Variants in FBXL4 observed in about 807,000 individuals in gnomAD.
FBXL4 encodes F-box and leucine rich repeat protein 4.
Under a neutral mutation model 58.9 loss-of-function variants are expected in FBXL4, and 40 were observed. The ratio of observed to expected loss-of-function variants is 0.68; its 90% CI spans 0.53 to 0.88. The LOEUF (loss-of-function observed/expected upper bound fraction) is 0.88. Ranked by LOEUF, FBXL4 falls within the 40% of genes least tolerant of loss-of-function variation. FBXL4 has a pLI of 0.00. For synonymous variants in FBXL4, 263 were observed against 265.5 expected (o/e 0.99, Z 0.09); for missense variants, 676 against 734.4 (o/e 0.92, Z 0.92).
At chr6:98,936,464 C>A (rs1421257241) in intron 1 of FBXL4, among the ~76,000 whole-genome samples, 1 of 152,198 alleles carries the variant, frequency 6.6e-6, no homozygotes, top group Non-Finnish European at 1.5e-5. Context: ...CTTATATGTG[C>A]CTTTTCTTCT....
At chr6:98,917,229 T>C in intron 5 of FBXL4, 145 bp downstream of exon 5, 1 of 522,268 alleles carries the variant, frequency 1.9e-6, no homozygotes, top group Non-Finnish European at 3.1e-6. Flanking sequence ...TTTTGTCTAG[T>C]TTTTCCAAAA....
intron 2 of FBXL4, among the ~76,000 whole-genome samples, chr6:98,933,795 G>A (rs1012358232): frequency 6.6e-6 from 1 of 152,062 alleles, no homozygotes; most frequent in Admixed American, 6.5e-5. Context: ...GATGGCATAA[G>A]AGAATTAAAA....
chr6:98,879,942 CAAAAAAA>C (rs57952065), intron 8 of FBXL4, among the ~76,000 whole-genome samples: 1 of 62,544 alleles, frequency 1.6e-5, no homozygotes, highest in Non-Finnish European at 3.0e-5. Flanking sequence ...GACTCCATCT[CAAAAAAA>C]AAAAAAAAAA....
chr6:98,927,686 A>T lies in FBXL4; in HGVS notation c.-73+19T>A, dbSNP rs1203874396. The T allele has an allele frequency of 6.6e-6, 1 of 152,122 alleles. No homozygotes were observed. Among genetic ancestry groups the T allele is most frequent in the Non-Finnish European group, 1.5e-5 (1 of 68,048 alleles). The allele number at this position is 152,122 out of a possible 1,614,324, so 9.4% of individuals were successfully genotyped here. A position where few individuals can be genotyped will look rare whatever the true frequency, so the allele number is the denominator to read the frequency against. On this transcript the variant is annotated intron_variant, in intron 3 of 9. Transcript: ENST00000369244. ...GCTGGCATCTGGTTTGTTGCCAGCT[A>T]CTCTTAGAAATCACTCACCCCAGAT...
intron 5 of FBXL4, among the ~76,000 whole-genome samples, chr6:98,907,686 T>A (rs946578020): frequency 6.6e-6 from 1 of 152,202 alleles, no homozygotes; most frequent in Non-Finnish European, 1.5e-5. Flanking sequence ...GGGTTTTTTT[T>A]AATTTAATGT....
intron 7 of FBXL4, among the ~76,000 whole-genome samples, chr6:98,889,406 G>A (rs1240825736): frequency 6.6e-6 from 1 of 151,982 alleles, no homozygotes; most frequent in African/African-American, 2.4e-5. Context: ...TGACTACAAT[G>A]ACTACTGCTA....
chr6:98,921,905 C>G (rs1772597648), intron 4 of FBXL4, among the ~76,000 whole-genome samples: 1 of 152,106 alleles, frequency 6.6e-6, no homozygotes, highest in African/African-American at 2.4e-5. Flanking sequence ...TTCCTTGTCT[C>G]TCTCTTCCAA....
rs943516368 is a variant in FBXL4, at chr6:98,872,914, G to T, written c.*1364C>A. On this transcript the variant is annotated 3_prime_UTR_variant, in exon 10 of 10. Coordinates refer to ENST00000369244, the MANE Select transcript of FBXL4 (RefSeq NM_001278716.2). ...ATGGCATTTATCTTACAGGGTTGTT[G>T]TGAGAATTGAATTAGTCAATGCAAA... is the stretch of plus-strand genomic sequence containing the variant. The T allele has an allele frequency of 6.6e-6, 1 of 152,128 alleles. No individual in the cohort carries two copies. The allele number at this position is 152,128 out of a possible 1,614,324, so 9.4% of individuals were successfully genotyped here. A position where few individuals can be genotyped will look rare whatever the true frequency, so the allele number is the denominator to read the frequency against.
chr6:98,888,255 A>T (rs1273980590), intron 7 of FBXL4, among the ~76,000 whole-genome samples: 2 of 152,228 alleles, frequency 1.3e-5, no homozygotes, highest in Non-Finnish European at 2.9e-5. Context: ...ATTCCCACTC[A>T]TTAATGTATT....
In FBXL4 at chr6:98,868,790, AC is replaced by A. The variant is rs1770419445; in HGVS notation, c.*5487del. 6.6e-6 allele frequency: 1 copy of A among 152,220 alleles called. No homozygotes were observed. Among genetic ancestry groups the A allele is most frequent in the Non-Finnish European group, 1.5e-5 (1 of 68,042 alleles). 9.4% of individuals were successfully genotyped at this position (152,220 alleles called of 1,614,324 possible). A position where few individuals can be genotyped will look rare whatever the true frequency, so the allele number is the denominator to read the frequency against. On this transcript the variant is annotated 3_prime_UTR_variant, in exon 10 of 10. Transcript: ENST00000369244. ...TACTTCACTAATTACTTTACCAAATACATAGATTAAAATATCCCTAAATGTC... is the reference window on the plus strand; with the variant it reads ...TACTTCACTAATTACTTTACCAAATAATAGATTAAAATATCCCTAAATGTC...
intron 8 of FBXL4, among the ~76,000 whole-genome samples, chr6:98,876,395 A>G (rs554444879): frequency 4.2e-4 from 64 of 152,348 alleles, no homozygotes; most frequent in African/African-American, 1.5e-3. Flanking sequence ...GTTTCTTTAA[A>G]TAGGTTATTT....
intron 4 of FBXL4, among the ~76,000 whole-genome samples, chr6:98,922,999 A>C (rs1360020565): frequency 6.6e-6 from 1 of 152,118 alleles, no homozygotes; most frequent in African/African-American, 2.4e-5. Context: ...CACCCTGCAG[A>C]TGGGCTTGCT....
chr6:98,916,783 C>T (rs1047537151), intron 5 of FBXL4, among the ~76,000 whole-genome samples: 1 of 146,530 alleles, frequency 6.8e-6, no homozygotes, highest in Non-Finnish European at 1.5e-5. Context: ...CTAACCTGCA[C>T]ATTGTGCACA....
intron 1 of FBXL4, among the ~76,000 whole-genome samples, chr6:98,939,965 G>A (rs1400020371): frequency 6.6e-6 from 1 of 152,196 alleles, no homozygotes; most frequent in Non-Finnish European, 1.5e-5. Flanking sequence ...AATTATTACA[G>A]TAGTACAGTA....
intron 7 of FBXL4, 30 bp from the exon 8 acceptor site, chr6:98,880,654 T>C (rs1770820984): frequency 3.2e-6 from 5 of 1,585,724 alleles, no homozygotes; most frequent in Non-Finnish European, 3.5e-6. Flanking sequence ...CAGAGGCAAA[T>C]ATGGAAAGTG....
Position 98,875,432 on chromosome 6 carries a change from T to C in FBXL4, c.1685A>G (p.Gln562Arg), listed in dbSNP as rs752427360. The C allele has an allele frequency of 1.2e-6, 2 of 1,613,932 alleles. No individual in the cohort carries two copies. The highest frequency in any genetic ancestry group is 2.2e-5 in the East Asian group (1 of 44,894). The change falls in exon 9 of 10, where the codon CAG (glutamine) becomes CGG (arginine). Residue 562 changes from glutamine to arginine, a missense_variant. Coordinates refer to ENST00000369244, the MANE Select transcript of FBXL4 (RefSeq NM_001278716.2). The stretch of plus-strand genomic sequence containing the variant: ...AACCTTACCTAATATGTCCAGCTGC[T>C]GTAACCTGGTACAATTACATGCCAA... ...DELACNCTRL[Q>R]QLDILGTRMV...
At chr6:98,892,559 A>G (rs927087559) in intron 7 of FBXL4, among the ~76,000 whole-genome samples, 6 of 152,316 alleles carry the variant, frequency 3.9e-5, no homozygotes, top group Non-Finnish European at 4.4e-5. Flanking sequence ...GTCAGAAAAC[A>G]AATTCGTAGC....
chr6:98,876,381 T>C (rs536114972), intron 8 of FBXL4, among the ~76,000 whole-genome samples: 7 of 152,342 alleles, frequency 4.6e-5, no homozygotes, highest in African/African-American at 1.2e-4. Context: ...CATGCTTTAA[T>C]AATGTTTCTT....
chr6:98,880,891 T>G (rs572267801), intron 7 of FBXL4, among the ~76,000 whole-genome samples: 4 of 152,178 alleles, frequency 2.6e-5, no homozygotes, highest in Non-Finnish European at 5.9e-5. Context: ...CTATATTCCC[T>G]ATGACCTCTC....
Sources: gnomAD v4.1 joint callset for allele counts (sites outside exome capture counted in the v4.1 genomes callset) on GRCh38, gnomAD v4.1.1 for gene constraint, MANE v1.5 for transcripts, NCBI Gene and HGNC (gene_info 2026-07-23, HGNC 2026-07-21) for gene names.